The following RPS6KA5 variants were observed in gnomAD, a reference collection of about 807,000 sequenced individuals.
RPS6KA5 encodes the protein ribosomal protein S6 kinase alpha-5.
A neutral mutation model predicts 85.5 loss-of-function variants in RPS6KA5; 27 were observed. The ratio of observed to expected loss-of-function variants is 0.32; its 90% CI spans 0.23 to 0.44. The LOEUF (loss-of-function observed/expected upper bound fraction) is 0.44. Ranked by LOEUF, RPS6KA5 falls within the 20% of genes least tolerant of loss-of-function variation. The probability of loss-of-function intolerance (pLI) is 1.00; values close to 1 mark genes in which losing one functional copy is unlikely to be tolerated. For missense variants in RPS6KA5, 811 were observed against 980.9 expected, an observed-to-expected ratio of 0.83 and a Z score of 2.31; for synonymous variants, 334 against 348.2, an observed-to-expected ratio of 0.96 and a Z score of 0.46.
intron 7 of RPS6KA5, among the ~76,000 whole-genome samples, chr14:90,913,198 C>G (rs1448223255): frequency 6.6e-6 from 1 of 152,032 alleles, no homozygotes; most frequent in East Asian, 1.9e-4. Flanking sequence ...GGCGTGTGAG[C>G]CACTGCGGCC....
intron 12 of RPS6KA5, among the ~76,000 whole-genome samples, chr14:90,898,515 A>T (rs1253299763): frequency 6.6e-6 from 1 of 152,232 alleles, no homozygotes; most frequent in African/African-American, 2.4e-5. Context: ...GGTTCTCCTT[A>T]TTAGATTCGC....
chr14:90,937,245 T>C (rs2037308159), intron 5 of RPS6KA5, among the ~76,000 whole-genome samples: 1 of 151,998 alleles, frequency 6.6e-6, no homozygotes, highest in African/African-American at 2.4e-5. Context: ...ATGGTAACAT[T>C]GGCAAGAACA....
In RPS6KA5 at chr14:90,849,278, T is replaced by G. The variant is rs1380496171; in HGVS notation, c.*22796A>C. On this transcript the variant is annotated 3_prime_UTR_variant, in exon 17 of 17. Transcript: ENST00000614987. ...AAGGCCACCTTCGCAACCAGCCCTTTGAAACTGGAAACAAAGTTTTGGCCA... is the reference window on the plus strand; with the variant it reads ...AAGGCCACCTTCGCAACCAGCCCTTGGAAACTGGAAACAAAGTTTTGGCCA... 1 of 152,186 alleles carries G rather than the reference T, an allele frequency of 6.6e-6. No homozygotes were observed. The highest frequency in any genetic ancestry group is 1.5e-5 in the Non-Finnish European group (1 of 68,032). The allele number at this position is 152,186 out of a possible 1,614,324, so 9.4% of individuals were successfully genotyped here.
intron 3 of RPS6KA5, among the ~76,000 whole-genome samples, chr14:90,972,293 T>G (rs765878569): frequency 2.6e-5 from 4 of 151,172 alleles, no homozygotes; most frequent in Non-Finnish European, 5.9e-5. Context: ...ACAGGAAGAG[T>G]CCTCCAAAAA....
chr14:90,999,432 A>C (rs1324796174), intron 2 of RPS6KA5, among the ~76,000 whole-genome samples: 2 of 152,286 alleles, frequency 1.3e-5, no homozygotes, highest in Middle Eastern at 3.4e-3. Context: ...GCAGCGGGGA[A>C]GAAAAATGGT....
intron 1 of RPS6KA5, among the ~76,000 whole-genome samples, chr14:91,057,204 T>C (rs1167009729): frequency 6.6e-6 from 1 of 152,050 alleles, no homozygotes; most frequent in African/African-American, 2.4e-5. Flanking sequence ...GGCGGGACAT[T>C]TTCTTAGACA....
At chr14:91,040,686 A>G (rs1038142152) in intron 1 of RPS6KA5, among the ~76,000 whole-genome samples, 2 of 152,156 alleles carry the variant, frequency 1.3e-5, no homozygotes, top group African/African-American at 2.4e-5. Context: ...ACAATGGAGT[A>G]CCAATATTTA....
rs5810526 is a variant in RPS6KA5 at position 90,976,202 on chromosome 14, G to GAA, written c.394+2102_394+2103dup. Reference sequence around the variant, plus strand: ...CATATTGAGTATAGTTAAGAGAACAGAAAAAAAAAAAAAAAAAAAAGAGAG... The same window carrying GAA: ...CATATTGAGTATAGTTAAGAGAACAGAAAAAAAAAAAAAAAAAAAAAAGAGAG... On this transcript the variant is annotated intron_variant, in intron 3 of 16. Transcript: ENST00000614987. 3.4e-3 allele frequency among the ~76,000 whole-genome samples: 366 copies of GAA among 108,990 alleles called. 3 individuals carry two copies. The highest frequency in any genetic ancestry group is 0.015 in the Middle Eastern group (3 of 198). The allele number at this position is 108,990 out of a possible 152,430, so 71.5% of individuals were successfully genotyped here. A position where few individuals can be genotyped will look rare whatever the true frequency, so the allele number is the denominator to read the frequency against.
intron 14 of RPS6KA5, among the ~76,000 whole-genome samples, chr14:90,879,232 C>T (rs2033671967): frequency 6.6e-6 from 1 of 152,156 alleles, no homozygotes; most frequent in South Asian, 2.1e-4. Context: ...TCAGAATCTG[C>T]CCTGGGCAGT....
chr14:90,874,163 G>A (rs1388555230), intron 15 of RPS6KA5, among the ~76,000 whole-genome samples: 1 of 152,212 alleles, frequency 6.6e-6, no homozygotes, highest in Non-Finnish European at 1.5e-5. Context: ...AGGTCAGGGA[G>A]TGCAGTAAGG....
chr14:91,051,708 C>T (rs543905471), intron 1 of RPS6KA5, among the ~76,000 whole-genome samples: 3 of 151,932 alleles, frequency 2.0e-5, no homozygotes, highest in South Asian at 4.2e-4. Context: ...AGGCTGGTCT[C>T]GAACTCCTGA....
intron 1 of RPS6KA5, among the ~76,000 whole-genome samples, chr14:91,040,029 T>C (rs2042545987): frequency 6.6e-6 from 1 of 152,120 alleles, no homozygotes; most frequent in Admixed American, 6.5e-5. Flanking sequence ...AGTAAGTTGG[T>C]GGGTGGGGAG....
At chr14:90,879,327 G>T (rs1166410368) in intron 14 of RPS6KA5, among the ~76,000 whole-genome samples, 1 of 152,224 alleles carries the variant, frequency 6.6e-6, no homozygotes, top group African/African-American at 2.4e-5. Flanking sequence ...TCACACTATG[G>T]CCTCACTGAA....
intron 5 of RPS6KA5, among the ~76,000 whole-genome samples, chr14:90,936,227 T>C (rs2037248245): frequency 6.6e-6 from 1 of 152,212 alleles, no homozygotes; most frequent in African/African-American, 2.4e-5. Flanking sequence ...CTAAAATAAA[T>C]TTACTTTAAC....
chr14:90,938,485 G>A (rs925346884), intron 5 of RPS6KA5, among the ~76,000 whole-genome samples: 8 of 152,196 alleles, frequency 5.3e-5, no homozygotes, highest in Non-Finnish European at 8.8e-5. Flanking sequence ...GGGATCCGAC[G>A]TCACATTTCC....
chr14:91,035,847 CAAAAA>C lies in RPS6KA5; in HGVS notation c.103+24480_103+24484del, dbSNP rs199625173. On this transcript the variant is annotated intron_variant, in intron 1 of 16. Coordinates refer to ENST00000614987, the MANE Select transcript of RPS6KA5 (RefSeq NM_004755.4). ...TTTCAGCTGATGAAACCCTCACCTT[CAAAAA>C]AAAAAAAAAAAAAAAAAAAAAAAAA... is the stretch of plus-strand genomic sequence containing the variant. 8.2e-3 allele frequency among the ~76,000 whole-genome samples: 571 copies of C among 69,766 alleles called. 6 individuals carry two copies. The highest frequency in any genetic ancestry group is 0.044 in the South Asian group (84 of 1,892). The allele number at this position is 69,766 out of a possible 152,430, so 45.8% of individuals were successfully genotyped here.
intron 1 of RPS6KA5, among the ~76,000 whole-genome samples, chr14:91,025,324 G>A (rs369538806): frequency 3.9e-5 from 6 of 152,202 alleles, no homozygotes; most frequent in East Asian, 3.9e-4. Context: ...GATTATAGGC[G>A]TGAGCCACCA....
intron 5 of RPS6KA5, among the ~76,000 whole-genome samples, chr14:90,923,403 A>G (rs2036502170): frequency 6.6e-6 from 1 of 151,954 alleles, no homozygotes; most frequent in South Asian, 2.1e-4. Context: ...CATCAGAAAG[A>G]CTTCTCATGC....
intron 1 of RPS6KA5, among the ~76,000 whole-genome samples, chr14:91,054,379 G>A (rs554300953): frequency 2.0e-5 from 3 of 152,118 alleles, no homozygotes; most frequent in Admixed American, 6.5e-5. Context: ...GCTCACACCT[G>A]TAATCCCAAC....
Sources: gnomAD v4.1 joint callset for allele counts (sites outside exome capture counted in the v4.1 genomes callset) on GRCh38, gnomAD v4.1.1 for gene constraint, MANE v1.5 for transcripts, NCBI Gene and HGNC (gene_info 2026-07-23, HGNC 2026-07-21) for gene names.